The following ASIP variants were observed in gnomAD, a reference collection of about 807,000 sequenced individuals.
The protein encoded by ASIP is agouti-signaling protein.
Under a neutral mutation model 10.3 loss-of-function variants are expected in ASIP, and 11 were observed. The ratio of observed to expected loss-of-function variants is 1.07; its 90% confidence interval spans 0.68 to 1.78. ASIP has a LOEUF of 1.78. Ranked by LOEUF, ASIP falls within the 40% of genes most tolerant of loss-of-function variation. ASIP has a pLI of 0.00. For synonymous variants in ASIP, 70 were observed against 70.8 expected (o/e 0.99, Z 0.06); for missense variants, 180 against 169.2 (o/e 1.06, Z -0.35).
At chr20:34,202,801 CT>C (rs34156089) in intron 1 of ASIP, among the ~76,000 whole-genome samples, 4,396 of 57,322 alleles carry the variant, frequency 0.077, 212 homozygotes, top group African/African-American at 0.31. Flanking sequence ...CTTGGCTATT[CT>C]TTTTTTTTTT....
At chr20:34,214,386 T>C (rs1470800754) in intron 1 of ASIP, 1 of 1,355,246 alleles carries the variant, frequency 7.4e-7, no homozygotes, top group Non-Finnish European at 1.1e-6. Flanking sequence ...TGTATGCTGA[T>C]AGGAACTGAC....
chr20:34,246,050 G>A (rs953282101), intron 1 of ASIP: 28 of 918,716 alleles, frequency 3.0e-5, no homozygotes, highest in Middle Eastern at 3.2e-4. Flanking sequence ...AAGTCTCCCC[G>A]AATAATTTCA....
chr20:34,247,036 A>AGGCT (rs2035388460), intron 1 of ASIP, among the ~76,000 whole-genome samples: 1 of 152,048 alleles, frequency 6.6e-6, no homozygotes, highest in African/African-American at 2.4e-5. Flanking sequence ...TCTATCACCC[A>AGGCT]GGCTGGAGTG....
In ASIP at chr20:34,268,974, C is replaced by G. The variant is rs577827889; in HGVS notation, c.223-17C>G. ...TGGGCGTGGCCGGCTCATAAAGCCC[C>G]GGCGTTTCCCACGCAGAAGGAGGCT... On this transcript the variant is annotated splice_polypyrimidine_tract_variant and intron_variant, in intron 3 of 3. Coordinates refer to ENST00000374954, the MANE Select transcript of ASIP (RefSeq NM_001672.3). The G allele has an allele frequency of 2.5e-6, 4 of 1,591,298 alleles. No individual in the cohort carries two copies. Among genetic ancestry groups the G allele is most frequent in the African/African-American group, 1.3e-5 (1 of 74,492 alleles).
intron 1 of ASIP, among the ~76,000 whole-genome samples, chr20:34,234,662 C>T (rs1568755007): frequency 6.6e-6 from 1 of 151,914 alleles, no homozygotes; most frequent in Admixed American, 6.6e-5. Context: ...ATTCGCCGGG[C>T]GTGGTGGCAG....
intron 1 of ASIP, chr20:34,214,888 T>C: frequency 3.1e-6 from 5 of 1,597,692 alleles, no homozygotes; most frequent in Non-Finnish European, 4.3e-6. Flanking sequence ...CACTTTTGTT[T>C]CAATAGCTTG....
chr20:34,201,342 A>G (rs2034898768), intron 1 of ASIP, among the ~76,000 whole-genome samples: 2 of 152,124 alleles, frequency 1.3e-5, no homozygotes, highest in South Asian at 2.1e-4. Flanking sequence ...TAAAGGTTAA[A>G]CCTGTTGGCA....
At position 34,269,124 on chromosome 20, in the gene ASIP, T is replaced by C; in HGVS notation, c.356T>C (p.Phe119Ser). The change falls in exon 4 of 4, where the codon TTC (phenylalanine) becomes TCC (serine). Residue 119 changes from phenylalanine to serine, a missense_variant. Phe to Ser is a radical substitution (Grantham distance 155). Transcript: ENST00000374954. Reference sequence around the variant, plus strand: ...TGCGCCTCCTGCCAGTGCCGCTTCTTCCGCAGCGCCTGCTCCTGCCGCGTG... The same window carrying C: ...TGCGCCTCCTGCCAGTGCCGCTTCTCCCGCAGCGCCTGCTCCTGCCGCGTG... ...DPCASCQCRF[F>S]RSACSCRVLS... The C allele has an allele frequency of 6.4e-7, 1 of 1,557,332 alleles. No homozygotes were observed. The highest frequency in any genetic ancestry group is 2.4e-5 in the East Asian group (1 of 41,346).
At chr20:34,211,286 T>C (rs2034973111) in intron 1 of ASIP, among the ~76,000 whole-genome samples, 1 of 152,212 alleles carries the variant, frequency 6.6e-6, no homozygotes, top group South Asian at 2.1e-4. Context: ...CCTCCCAGTT[T>C]GGCCTTCCTC....
chr20:34,224,230 A>T (rs1373877774), intron 1 of ASIP, among the ~76,000 whole-genome samples: 1 of 147,796 alleles, frequency 6.8e-6, no homozygotes, highest in Non-Finnish European at 1.5e-5. Flanking sequence ...AAATAAATTA[A>T]AAAAAAAAAA....
chr20:34,246,540 A>G (rs2035378815), intron 1 of ASIP: 2 of 1,002,998 alleles, frequency 2.0e-6, no homozygotes, highest in African/African-American at 3.2e-5. Flanking sequence ...ATCTCAGCTC[A>G]CTGCAACCTC....
intron 1 of ASIP, among the ~76,000 whole-genome samples, chr20:34,219,659 T>C (rs2035032075): frequency 6.6e-6 from 1 of 152,222 alleles, no homozygotes; most frequent in African/African-American, 2.4e-5. Context: ...ATAAAAGTGC[T>C]CAGTTACTAG....
intron 1 of ASIP, among the ~76,000 whole-genome samples, chr20:34,233,570 G>T (rs1021154085): frequency 3.3e-5 from 5 of 152,180 alleles, no homozygotes; most frequent in Non-Finnish European, 7.3e-5. Flanking sequence ...TGAATTTTAT[G>T]ATATGTGAAT....
At chr20:34,227,183 T>C (rs1415295813) in intron 1 of ASIP, among the ~76,000 whole-genome samples, 1 of 152,118 alleles carries the variant, frequency 6.6e-6, no homozygotes, top group Non-Finnish European at 1.5e-5. Context: ...ACTAGTTTAT[T>C]TCTATATTGT....
chr20:34,221,311 G>T (rs191548523), intron 1 of ASIP, among the ~76,000 whole-genome samples: 1 of 152,078 alleles, frequency 6.6e-6, no homozygotes, highest in Non-Finnish European at 1.5e-5. Context: ...CTGGGAGGCG[G>T]AGCTTAAGGT....
upstream of ASIP, among the ~76,000 whole-genome samples, chr20:34,192,029 C>A (rs778969937): frequency 6.6e-6 from 1 of 152,052 alleles, no homozygotes; most frequent in Non-Finnish European, 1.5e-5. Context: ...CTGTGCCTGG[C>A]CTGATTTCTT....
intron 1 of ASIP, among the ~76,000 whole-genome samples, chr20:34,206,949 G>A (rs985221400): frequency 2.6e-5 from 4 of 152,110 alleles, no homozygotes; most frequent in Non-Finnish European, 5.9e-5. Flanking sequence ...TTGTGAATAG[G>A]GCTGCAATAA....
intron 1 of ASIP, among the ~76,000 whole-genome samples, chr20:34,246,836 C>G (rs550028389): frequency 6.6e-6 from 1 of 152,126 alleles, no homozygotes; most frequent in African/African-American, 2.4e-5. Context: ...CACAACTCTT[C>G]TATTTATTTC....
At chr20:34,217,294 C>T (rs900506300) in intron 1 of ASIP, among the ~76,000 whole-genome samples, 2 of 151,584 alleles carry the variant, frequency 1.3e-5, no homozygotes, top group African/African-American at 2.4e-5. Flanking sequence ...AAAAATTAAC[C>T]GGGCGTGGTG....
Sources: allele counts gnomAD v4.1 joint callset (sites outside exome capture counted in the v4.1 genomes callset), GRCh38; gene constraint gnomAD v4.1.1; transcripts MANE v1.5; gene names NCBI Gene and HGNC (gene_info 2026-07-23, HGNC 2026-07-21).